The following LIPC variants were observed in gnomAD, a reference collection of about 807,000 sequenced individuals.
The protein encoded by LIPC is hepatic triacylglycerol lipase.
In LIPC, 44 loss-of-function variants were observed where a neutral mutation model predicts 50.7. The ratio of observed to expected loss-of-function variants is 0.87; its 90% CI spans 0.68 to 1.11. The LOEUF (loss-of-function observed/expected upper bound fraction) is 1.11. Ranked by LOEUF, LIPC falls within the 50% of genes most tolerant of loss-of-function variation. The probability of loss-of-function intolerance (pLI) is 0.00; values close to 1 mark genes in which losing one functional copy is unlikely to be tolerated. For missense variants in LIPC, 697 were observed against 648.2 expected, an observed-to-expected ratio of 1.08 and a Z score of -0.82; for synonymous variants, 271 against 256.4, an observed-to-expected ratio of 1.06 and a Z score of -0.54.
intron 8 of LIPC, chr15:58,565,191 G>T: frequency 6.5e-7 from 1 of 1,535,572 alleles, no homozygotes; most frequent in South Asian, 1.2e-5. Context: ...CTCCCAACAG[G>T]ATCAATCTGG....
intron 4 of LIPC, 141 bp from the exon 5 acceptor site, chr15:58,545,601 G>A: frequency 1.4e-6 from 1 of 712,588 alleles, no homozygotes. Flanking sequence ...TTACGGCGAG[G>A]TTTTCTAGGG....
At chr15:58,539,356 G>A (rs1483196491) in intron 2 of LIPC, among the ~76,000 whole-genome samples, 6 of 152,180 alleles carry the variant, frequency 3.9e-5, no homozygotes, top group African/African-American at 1.4e-4. Context: ...CCATATCTAA[G>A]TGGAAAGGTG....
intron 1 of LIPC, among the ~76,000 whole-genome samples, chr15:58,510,911 A>G (rs1892309303): frequency 1.3e-5 from 2 of 152,260 alleles, no homozygotes; most frequent in Admixed American, 1.3e-4. Context: ...GTTGGTGAGG[A>G]TAACAGCACT....
At chr15:58,567,491 T>C (rs775684073) in intron 8 of LIPC, among the ~76,000 whole-genome samples, 9 of 151,214 alleles carry the variant, frequency 6.0e-5, no homozygotes, top group African/African-American at 9.7e-5. Context: ...CTTTCTGGAG[T>C]ATCTGTGCAC....
At chr15:58,498,039 C>T (rs1490353856) in intron 1 of LIPC, among the ~76,000 whole-genome samples, 1 of 152,148 alleles carries the variant, frequency 6.6e-6, no homozygotes, top group Non-Finnish European at 1.5e-5. Flanking sequence ...GCTCAACATG[C>T]CTTGCACACA....
chr15:58,471,363 G>A (rs894047118), intron 1 of LIPC, among the ~76,000 whole-genome samples: 4 of 149,690 alleles, frequency 2.7e-5, no homozygotes, highest in Non-Finnish European at 4.4e-5. Context: ...GGCCAAGCTG[G>A]TCTCGAACTC....
At position 58,546,040 on chromosome 15, in the gene LIPC, G is replaced by A. The variant is rs777127551; in HGVS notation, c.808+65G>A. 3.8e-4 allele frequency: 514 copies of A among 1,335,758 alleles called. 1 individual carries two copies. The highest frequency in any genetic ancestry group is 8.8e-4 in the Admixed American group (52 of 58,978). The allele number at this position is 1,335,758 out of a possible 1,614,324, so 82.7% of individuals were successfully genotyped here. A position where few individuals can be genotyped will look rare whatever the true frequency, so the allele number is the denominator to read the frequency against. On this transcript the variant is annotated intron_variant, in intron 5 of 8. Transcript: ENST00000299022. ...TTCAATGGGGCCTCTGGAATTCAGC[G>A]GAATCTACCAACATACGGGACTCAG...
intron 1 of LIPC, among the ~76,000 whole-genome samples, chr15:58,474,940 A>G (rs184110991): frequency 6.6e-6 from 1 of 152,286 alleles, no homozygotes; most frequent in Admixed American, 6.5e-5. Flanking sequence ...CTGTCCAGTG[A>G]CCAAAGGAGA....
chr15:58,565,218 G>A (rs1212017132), intron 8 of LIPC: 20 of 1,535,680 alleles, frequency 1.3e-5, no homozygotes, highest in Middle Eastern at 1.7e-4. Flanking sequence ...TAAACTGCTC[G>A]CTCCTCTTCT....
At chr15:58,502,340 C>T (rs1488365864) in intron 1 of LIPC, among the ~76,000 whole-genome samples, 2 of 152,108 alleles carry the variant, frequency 1.3e-5, no homozygotes, top group Non-Finnish European at 2.9e-5. Context: ...AGATTGGATG[C>T]ACCTGGACAG....
intron 1 of LIPC, among the ~76,000 whole-genome samples, chr15:58,492,487 C>G (rs71478672): frequency 0.13 from 19,410 of 152,126 alleles, 1,296 homozygotes; most frequent in Non-Finnish European, 0.16. Context: ...AAAGTATTAG[C>G]TATGAACTAT....
rs1267931398 is a variant in LIPC, at chr15:58,569,135, A to G, written c.*308A>G. The G allele has an allele frequency of 4.9e-6, 1 of 205,814 alleles. No individual in the cohort carries two copies. The highest frequency in any genetic ancestry group is 9.8e-6 in the Non-Finnish European group (1 of 102,130). 12.7% of individuals were successfully genotyped at this position (205,814 alleles called of 1,614,324 possible). On this transcript the variant is annotated 3_prime_UTR_variant, in exon 9 of 9. Transcript: ENST00000299022. Reference sequence around the variant, plus strand: ...GTTCTAATTTACAATGTCTTTTATAATTAAGTTTCCCACATGTCCTTGCTA... The same window carrying G: ...GTTCTAATTTACAATGTCTTTTATAGTTAAGTTTCCCACATGTCCTTGCTA...
At chr15:58,523,319 C>T (rs1309855426) in intron 1 of LIPC, 4 of 152,304 alleles carry the variant, frequency 2.6e-5, no homozygotes, top group Non-Finnish European at 5.9e-5. Context: ...CTCAGGTCAC[C>T]TTTACTCTCA....
intron 1 of LIPC, chr15:58,533,296 T>A: frequency 2.8e-6 from 1 of 362,240 alleles, no homozygotes. Flanking sequence ...GTGGCCAGGT[T>A]TAAATGAGTC....
intron 1 of LIPC, among the ~76,000 whole-genome samples, chr15:58,488,856 T>C (rs1191813001): frequency 6.6e-6 from 1 of 152,228 alleles, no homozygotes; most frequent in Non-Finnish European, 1.5e-5. Context: ...ATGAATTCCC[T>C]ATTACATCTC....
intron 1 of LIPC, among the ~76,000 whole-genome samples, chr15:58,467,027 T>C (rs1161654127): frequency 6.6e-6 from 1 of 152,210 alleles, no homozygotes; most frequent in Non-Finnish European, 1.5e-5. Flanking sequence ...CATTCCTACT[T>C]ATATATAATA....
Position 58,432,140 on chromosome 15 carries a change from C to G in LIPC, c.88+20C>G. ...AACCAGGTAAGAGCCTGACTTTTCT[C>G]CAGAGATGGGCATGAACTTTTCTTT... On this transcript the variant is annotated intron_variant, in intron 1 of 8. Coordinates refer to ENST00000299022, the MANE Select transcript of LIPC (RefSeq NM_000236.3). 6.5e-7 allele frequency: 1 copy of G among 1,543,370 alleles called. No homozygotes were observed. The highest frequency in any genetic ancestry group is 2.2e-5 in the East Asian group (1 of 44,556).
chr15:58,539,957 T>A (rs192382250), intron 2 of LIPC, among the ~76,000 whole-genome samples: 1 of 152,312 alleles, frequency 6.6e-6, no homozygotes, highest in Non-Finnish European at 1.5e-5. Flanking sequence ...CACCGGGAGT[T>A]CCCGTGTGGC....
chr15:58,468,152 T>C (rs1894643449), intron 1 of LIPC, among the ~76,000 whole-genome samples: 1 of 152,160 alleles, frequency 6.6e-6, no homozygotes, highest in African/African-American at 2.4e-5. Context: ...AGATTATAGA[T>C]AAGAATACTG....
Sources: gnomAD v4.1 joint callset for allele counts (sites outside exome capture counted in the v4.1 genomes callset) on GRCh38, gnomAD v4.1.1 for gene constraint, MANE v1.5 for transcripts, NCBI Gene and HGNC (gene_info 2026-07-23, HGNC 2026-07-21) for gene names.